TNRC18: variants seen among roughly 807,000 people sequenced by gnomAD.
TNRC18 encodes the protein trinucleotide repeat-containing gene 18 protein.
A neutral mutation model predicts 226.7 loss-of-function variants in TNRC18; 69 were observed. The observed-to-expected ratio is 0.30, with a 90% CI of 0.25 to 0.37. The LOEUF is 0.37. TNRC18 is among the 10% of genes least tolerant of loss of function. The pLI is 1.00. For synonymous variants in TNRC18, 2,449 were observed against 1,927.6 expected, an observed-to-expected ratio of 1.27 and a Z score of -7.09; for missense variants, 4,754 against 4,256.6, an observed-to-expected ratio of 1.12 and a Z score of -3.25.
chr7:5,367,275 G>A (rs546125214), intron 11 of TNRC18, among the ~76,000 whole-genome samples: 1 of 151,980 alleles, frequency 6.6e-6, no homozygotes, highest in Non-Finnish European at 1.5e-5. Flanking sequence ...TGAGGCAGGA[G>A]AATCACCTGA....
chr7:5,340,759 A>G (rs77175254), intron 18 of TNRC18, among the ~76,000 whole-genome samples: 1 of 143,346 alleles, frequency 7.0e-6, no homozygotes, highest in Non-Finnish European at 1.5e-5. Context: ...AAAAAAAAAA[A>G]GAAAAGGAAA....
chr7:5,349,576 G>A (rs900605799), intron 17 of TNRC18, among the ~76,000 whole-genome samples: 2 of 152,220 alleles, frequency 1.3e-5, no homozygotes, highest in African/African-American at 4.8e-5. Flanking sequence ...ACGGAGGACA[G>A]AAAGAAAAGC....
At position 5,389,056 on chromosome 7, in the gene TNRC18, C is replaced by G; in HGVS notation, c.768G>C (p.Pro256=). 7.8e-7 allele frequency: 1 copy of G among 1,282,266 alleles called. No homozygotes were observed. Among genetic ancestry groups the G allele is most frequent in the African/African-American group, 1.6e-5 (1 of 62,284 alleles). 79.4% of individuals were successfully genotyped at this position (1,282,266 alleles called of 1,614,324 possible). A position where few individuals can be genotyped will look rare whatever the true frequency, so the allele number is the denominator to read the frequency against. ...RAEGRQDRGP[P]RLAERLSPFL... ...AGGGCGACAGGCGCTCAGCCAGGCG[C>G]GGGGGCCCCCGGTCCTGGCGGCCCT... is the stretch of plus-strand genomic sequence containing the variant. Residue 256 remains proline (P), a synonymous_variant, in exon 5 of 30, where the codon CCG becomes CCC. Transcript: ENST00000430969.
At chr7:5,316,621 C>G (rs1484146501) in intron 24 of TNRC18, among the ~76,000 whole-genome samples, 1 of 152,152 alleles carries the variant, frequency 6.6e-6, no homozygotes, top group Non-Finnish European at 1.5e-5. Flanking sequence ...CACAAGACAG[C>G]TGAGCACATG....
intron 4 of TNRC18, chr7:5,390,168 AT>A: frequency 2.1e-6 from 1 of 469,880 alleles, no homozygotes. Flanking sequence ...GTTTGAAACC[AT>A]CCTGGGCAAC....
intron 17 of TNRC18, among the ~76,000 whole-genome samples, chr7:5,348,200 C>T (rs1035511091): frequency 2.6e-5 from 4 of 152,186 alleles, no homozygotes; most frequent in African/African-American, 9.7e-5. Flanking sequence ...CTTCCAAGGA[C>T]GGGCAGGTGG....
Position 5,371,209 on chromosome 7 carries a change from C to T in TNRC18, c.3385G>A (p.Glu1129Lys), listed in dbSNP as rs752540686. ...GGGGACAAGCGGATGGGCTTGTCTT[C>T]GGGTGAGAGTGCCAGGCGCTCGGGC... ...DGPERLALSP[E>K]DKPIRLSPSK... The change falls in exon 11 of 30, where the codon GAA (glutamate) becomes AAA (lysine). Residue 1129 changes from glutamate (E) to lysine (K), a missense_variant. Coordinates refer to ENST00000430969, the MANE Select transcript of TNRC18 (RefSeq NM_001080495.3). 4 of 1,605,164 alleles carry T rather than the reference C, an allele frequency of 2.5e-6. No homozygotes were observed. The highest frequency in any genetic ancestry group is 2.6e-6 in the Non-Finnish European group (3 of 1,174,048).
At chr7:5,350,867 G>A (rs1215524797) in intron 17 of TNRC18, among the ~76,000 whole-genome samples, 6 of 152,168 alleles carry the variant, frequency 3.9e-5, no homozygotes, top group East Asian at 1.9e-4. Flanking sequence ...ATGCGGCAAC[G>A]GAGCCGCTTT....
chr7:5,361,739 C>G lies in TNRC18; in HGVS notation c.4533-17G>C. 1 of 1,559,826 alleles carries G rather than the reference C, an allele frequency of 6.4e-7. No homozygotes were observed. On this transcript the variant is annotated splice_polypyrimidine_tract_variant and intron_variant, in intron 13 of 29. Transcript: ENST00000430969. ...CGCCTGTCCCTTAAAAAGAATCACA[C>G]GCTTGGCTGTGACGCTGGGGGGCGG...
rs1227182963 is a variant in TNRC18 at position 5,307,688 on chromosome 7, AGAGT to A, written c.*414_*417del. The A allele has an allele frequency of 3.0e-6, 1 of 335,380 alleles. No homozygotes were observed. Among genetic ancestry groups the A allele is most frequent in the African/African-American group, 2.2e-5 (1 of 46,070 alleles). The allele number at this position is 335,380 out of a possible 1,614,324, so 20.8% of individuals were successfully genotyped here. A position where few individuals can be genotyped will look rare whatever the true frequency, so the allele number is the denominator to read the frequency against. On this transcript the variant is annotated 3_prime_UTR_variant, in exon 30 of 30. Transcript: ENST00000430969. ...CATGCTAAGGGTGCTTGGGAAGCCC[AGAGT>A]GAGCGTCAGTTTGGTTCCTTAGAAG...
chr7:5,341,656 C>T (rs1030629556), intron 18 of TNRC18, among the ~76,000 whole-genome samples: 2 of 149,518 alleles, frequency 1.3e-5, no homozygotes, highest in African/African-American at 2.5e-5. Context: ...CCCAGCTACT[C>T]GGGAGGCTGA....
At chr7:5,345,958 C>T (rs1377331075) in intron 17 of TNRC18, 148 bp from the exon 18 acceptor site, 4 of 1,217,006 alleles carry the variant, frequency 3.3e-6, no homozygotes, top group Non-Finnish European at 4.4e-6. Context: ...GCAGACCCAG[C>T]CCACGGGTTC....
intron 16 of TNRC18, among the ~76,000 whole-genome samples, chr7:5,353,575 A>AC (rs1391678723): frequency 6.0e-5 from 9 of 150,654 alleles, no homozygotes; most frequent in Non-Finnish European, 1.3e-4. Flanking sequence ...AAAAAAAAAA[A>AC]AAAAAACCCA....
rs1272376629 is a variant in TNRC18 at position 5,321,194 on chromosome 7, C to T, written c.6443-4G>A. ...TCGATGATGCAGGAGCGAGGGGCTG[C>T]AGGGGTTGGATCGTGAGGCGAGGCT... On this transcript the variant is annotated splice_polypyrimidine_tract_variant and splice_region_variant and intron_variant, in intron 21 of 29. Coordinates refer to ENST00000430969, the MANE Select transcript of TNRC18 (RefSeq NM_001080495.3). 2.6e-6 allele frequency: 4 copies of T among 1,540,508 alleles called. No individual in the cohort carries two copies. Among genetic ancestry groups the T allele is most frequent in the Admixed American group, 2.0e-5 (1 of 50,876 alleles).
intron 9 of TNRC18, among the ~76,000 whole-genome samples, chr7:5,375,060 A>G (rs1007946398): frequency 6.6e-6 from 1 of 152,228 alleles, no homozygotes; most frequent in African/African-American, 2.4e-5. Context: ...CTGGAATCCC[A>G]GCACTTTGGG....
intron 5 of TNRC18, 26 bp downstream of exon 5, chr7:5,387,646 G>C: frequency 6.2e-7 from 1 of 1,600,476 alleles, no homozygotes; most frequent in Non-Finnish European, 8.5e-7. Context: ...GATCCTACCC[G>C]CACCTGGGCT....
At chr7:5,371,684 C>T (rs1171350294) in intron 10 of TNRC18, among the ~76,000 whole-genome samples, 2 of 152,232 alleles carry the variant, frequency 1.3e-5, no homozygotes, top group African/African-American at 4.8e-5. Context: ...ATGAGGTCTG[C>T]AAAGGCCTAC....
At chr7:5,355,703 A>G (rs919161358) in intron 16 of TNRC18, among the ~76,000 whole-genome samples, 2 of 152,074 alleles carry the variant, frequency 1.3e-5, no homozygotes, top group Non-Finnish European at 2.9e-5. Context: ...ACACTGCAAG[A>G]CCCTGTCTCT....
At position 5,374,200 on chromosome 7, in the gene TNRC18, G is replaced by A. The variant is rs1583965613; in HGVS notation, c.3084C>T (p.Ser1028=). 20 of 1,382,970 alleles carry A rather than the reference G, an allele frequency of 1.4e-5. No homozygotes were observed. Among genetic ancestry groups the A allele is most frequent in the Non-Finnish European group, 1.8e-5 (19 of 1,068,788 alleles). The allele number at this position is 1,382,970 out of a possible 1,614,324, so 85.7% of individuals were successfully genotyped here. A position where few individuals can be genotyped will look rare whatever the true frequency, so the allele number is the denominator to read the frequency against. ...CGGGCGGCGGGCTGGTGGGGTGGGA[G>A]CTGGGGGTGGCGGGGTAGGCGTAGG... ...PPAYAYPATP[S]SHPTSPPPAS... The change falls in exon 10 of 30, where the codon AGC becomes AGT. Residue 1028 remains serine (S), a synonymous_variant. Transcript: ENST00000430969.
Sources: allele counts gnomAD v4.1 joint callset (sites outside exome capture counted in the v4.1 genomes callset), GRCh38; gene constraint gnomAD v4.1.1; transcripts MANE v1.5; gene names NCBI Gene and HGNC (gene_info 2026-07-23, HGNC 2026-07-21).